SLK: variants seen among roughly 807,000 people sequenced by gnomAD.
The protein encoded by SLK is STE20-like serine/threonine-protein kinase.
SLK carries 67 observed loss-of-function variants against 147.7 expected under a neutral mutation model. That is an observed-to-expected ratio of 0.45 (90% CI 0.37 to 0.56). SLK has a LOEUF of 0.56. Ranked by LOEUF, SLK falls within the 20% of genes least tolerant of loss-of-function variation. The pLI, the probability that SLK is intolerant of heterozygous loss-of-function variation, is 0.00. For missense variants in SLK, 1,136 were observed against 1,438.8 expected, an observed-to-expected ratio of 0.79 and a Z score of 3.41; for synonymous variants, 441 against 475.0, an observed-to-expected ratio of 0.93 and a Z score of 0.93.
Position 104,018,115 on chromosome 10 carries a change from A to G in SLK, c.2878-45A>G, listed in dbSNP as rs770606359. On this transcript the variant is annotated intron_variant, in intron 13 of 18. Coordinates refer to ENST00000369755, the MANE Select transcript of SLK (RefSeq NM_014720.4). ...CAGCCATATAGATAAATGGATGTTT[A>G]GTTCATTAGATACTTATTAACTGAC... 8 of 1,479,970 alleles carry G rather than the reference A, an allele frequency of 5.4e-6. No homozygotes were observed. In the Admixed American group the frequency reaches 1.1e-4, roughly 21 times the overall value. The allele number at this position is 1,479,970 out of a possible 1,614,324, so 91.7% of individuals were successfully genotyped here.
rs1843732574 is a variant in SLK, at chr10:103,967,648, G to T, written c.-98G>T. 5.3e-6 allele frequency: 6 copies of T among 1,136,060 alleles called. No individual in the cohort carries two copies. The Admixed American group carries it at 1.2e-4, about 22-fold the overall frequency. 70.4% of individuals were successfully genotyped at this position (1,136,060 alleles called of 1,614,324 possible). On this transcript the variant is annotated 5_prime_UTR_variant, in exon 1 of 19. Coordinates refer to ENST00000369755, the MANE Select transcript of SLK (RefSeq NM_014720.4). ...GGGGCCGAGGGACGCCGCGCCCGCC[G>T]CCGCCAGCCGGGCTCGCGCGGGAGA...
chr10:103,972,603 A>C (rs953479575), intron 1 of SLK, among the ~76,000 whole-genome samples: 1 of 150,878 alleles, frequency 6.6e-6, no homozygotes, highest in Non-Finnish European at 1.5e-5. Context: ...ACCCGGGAGG[A>C]GGAGCTTGCA....
At position 104,003,122 on chromosome 10, in the gene SLK, TGAA is replaced by T. The variant is rs1564658591; in HGVS notation, c.1948_1950del (p.Glu650del). On this transcript the variant is annotated inframe_deletion, in exon 9 of 19. Transcript: ENST00000369755. ...AAGAAATCACTGAGTCAAGTAGCACTGAAGAAATGGAGGTCAGAAGTGTGGTGG... is the reference window on the plus strand; with the variant it reads ...AAGAAATCACTGAGTCAAGTAGCACTGAAATGGAGGTCAGAAGTGTGGTGG... 3 of 1,614,100 alleles carry T rather than the reference TGAA, an allele frequency of 1.9e-6. No homozygotes were observed. The Admixed American group carries it at 5.0e-5, about 27-fold the overall frequency.
intron 1 of SLK, among the ~76,000 whole-genome samples, chr10:103,980,325 T>G (rs1843924965): frequency 6.6e-6 from 1 of 152,204 alleles, no homozygotes; most frequent in Non-Finnish European, 1.5e-5. Flanking sequence ...ATTTACTGTC[T>G]TGACTATTTT....
At chr10:104,019,629 A>G in intron 15 of SLK, 105 bp from the exon 16 acceptor site, 1 of 888,552 alleles carries the variant, frequency 1.1e-6, no homozygotes, top group Non-Finnish European at 1.8e-6. Flanking sequence ...AACAAGGGAG[A>G]GGGTAATTAT....
At chr10:103,985,632 T>C (rs1363986764) in intron 1 of SLK, among the ~76,000 whole-genome samples, 1 of 152,218 alleles carries the variant, frequency 6.6e-6, no homozygotes, top group East Asian at 1.9e-4. Context: ...TGTTTGCCTT[T>C]GATTGACTAA....
At chr10:103,971,074 T>A (rs1843785997) in intron 1 of SLK, among the ~76,000 whole-genome samples, 2 of 152,214 alleles carry the variant, frequency 1.3e-5, no homozygotes, top group Non-Finnish European at 2.9e-5. Flanking sequence ...CATTCTTCCA[T>A]CGTGTACTTG....
chr10:103,991,671 A>AT, intron 2 of SLK, among the ~76,000 whole-genome samples: 1 of 152,172 alleles, frequency 6.6e-6, no homozygotes, highest in African/African-American at 2.4e-5. Flanking sequence ...TTTTCTGAAT[A>AT]ATGTAATGAA....
Position 104,003,246 on chromosome 10 carries a change from A to T in SLK, c.2068A>T (p.Ile690Phe). Residue 690 changes from isoleucine to phenylalanine, a missense_variant, in exon 9 of 19, where the codon ATT becomes TTT. Transcript: ENST00000369755. ...AGAGAAAAAAGAAATTCCAGTGTCA[A>T]TTAAAAAAGAGCCTGAAGTTACTGT... ...DKEKKEIPVS[I>F]KKEPEVTVVS... 1.9e-6 allele frequency: 3 copies of T among 1,612,764 alleles called. No homozygotes were observed. Among genetic ancestry groups the T allele is most frequent in the Non-Finnish European group, 2.5e-6 (3 of 1,179,692 alleles).
At chr10:103,981,743 T>G (rs1453200435) in intron 1 of SLK, among the ~76,000 whole-genome samples, 1 of 152,136 alleles carries the variant, frequency 6.6e-6, no homozygotes, top group Non-Finnish European at 1.5e-5. Context: ...AGCTTCGTAG[T>G]AAGTTTGAAA....
rs1248094728 is a variant in SLK, at chr10:104,002,296, A to G, written c.1118A>G (p.Glu373Gly). The change falls in exon 9 of 19, where the codon GAA (glutamate) becomes GGA (glycine). Residue 373 changes from glutamate (E) to glycine (G), a missense_variant. By Grantham distance (98) the Glu-to-Gly change is moderately conservative (BLOSUM62 -2). Around this residue, in one of 6 missense-constraint regions of SLK, gnomAD observed 516 missense variants for 531.3 expected, o/e 0.97. Coordinates refer to ENST00000369755, the MANE Select transcript of SLK (RefSeq NM_014720.4). ...VSEKTERSNS[E>G]DKLNSKILNE... ...GAAAAAACAGAACGTAGTAACTCTG[A>G]AGATAAACTCAACAGCAAAATTCTT... 3.7e-6 allele frequency: 6 copies of G among 1,613,802 alleles called. No individual in the cohort carries two copies.
chr10:103,994,364 C>T (rs963967459), intron 4 of SLK, among the ~76,000 whole-genome samples: 2 of 152,176 alleles, frequency 1.3e-5, no homozygotes, highest in African/African-American at 4.8e-5. Context: ...TTTATCCTGA[C>T]TTTTATATTA....
intron 16 of SLK, 47 bp downstream of exon 16, chr10:104,019,969 AATG>A (rs1844513899): frequency 1.4e-6 from 2 of 1,438,430 alleles, no homozygotes; most frequent in Non-Finnish European, 1.9e-6. Context: ...AAAATTTTTG[AATG>A]ACCATTAGAA....
At chr10:104,005,240 A>G (rs1844309219) in intron 9 of SLK, among the ~76,000 whole-genome samples, 1 of 152,218 alleles carries the variant, frequency 6.6e-6, no homozygotes, top group Non-Finnish European at 1.5e-5. Flanking sequence ...GTAAAGTTCT[A>G]CTGATTAGCT....
intron 18 of SLK, among the ~76,000 whole-genome samples, chr10:104,022,254 C>T (rs1009859495): frequency 6.6e-6 from 1 of 152,092 alleles, no homozygotes; most frequent in Non-Finnish European, 1.5e-5. Flanking sequence ...GAAGCGATGA[C>T]AGCTGAGTCT....
intron 9 of SLK, among the ~76,000 whole-genome samples, chr10:104,003,959 G>T (rs1020605245): frequency 6.6e-6 from 1 of 152,132 alleles, no homozygotes; most frequent in African/African-American, 2.4e-5. Context: ...AACCATTGTG[G>T]GGAAAACAAA....
At chr10:103,983,436 G>T (rs967587213) in intron 1 of SLK, among the ~76,000 whole-genome samples, 1 of 152,176 alleles carries the variant, frequency 6.6e-6, no homozygotes, top group African/African-American at 2.4e-5. Context: ...GGTTTTGAAG[G>T]ATTATGCCAG....
intron 1 of SLK, among the ~76,000 whole-genome samples, chr10:103,982,564 G>A (rs1422349388): frequency 2.0e-5 from 3 of 152,048 alleles, no homozygotes; most frequent in Admixed American, 2.0e-4. Context: ...ATAATCCTTG[G>A]AATTTCTGTA....
chr10:103,999,299 AC>A lies in SLK; in HGVS notation c.769del (p.Gln257SerfsTer13). 1 of 1,606,678 alleles carries A rather than the reference AC, an allele frequency of 6.2e-7. No homozygotes were observed. Among genetic ancestry groups the A allele is most frequent in the Non-Finnish European group, 8.5e-7 (1 of 1,177,506 alleles). Reference protein sequence around the residue: ...IAKSEPPTLAQPSRWSSNFKD... With the variant: ...IAKSEPPTLAXPSRWSSNFKD... ...CAAAATCTGAGCCACCTACATTAGC[AC>A]AGCCATCCAGATGGTAAAAATATTC... is the stretch of plus-strand genomic sequence containing the variant. On this transcript the variant is annotated frameshift_variant, in exon 6 of 19. Coordinates refer to ENST00000369755, the MANE Select transcript of SLK (RefSeq NM_014720.4). LOFTEE classifies it high-confidence loss of function.
Sources: gnomAD v4.1 joint callset for allele counts (sites outside exome capture counted in the v4.1 genomes callset) on GRCh38, gnomAD v4.1.1 for gene constraint, gnomAD v4.1.1 regional missense constraint, MANE v1.5 for transcripts, NCBI Gene and HGNC (gene_info 2026-07-23, HGNC 2026-07-21) for gene names.